Variants in FRMPD4 observed in about 807,000 individuals in gnomAD.
FRMPD4 encodes the protein FERM and PDZ domain-containing protein 4.
A neutral mutation model predicts 94.1 loss-of-function variants in FRMPD4; 22 were observed. That is an observed-to-expected ratio of 0.23 (90% CI 0.17 to 0.33). The LOEUF (loss-of-function observed/expected upper bound fraction) is 0.33, where lower values mean the gene tolerates loss of function less well. Among genes scored for constraint, FRMPD4 ranks in the 10% least tolerant of loss-of-function variants. The pLI is 1.00. For missense variants in FRMPD4, 1,111 were observed against 1,339.9 expected (o/e 0.83, Z 2.67); for synonymous variants, 631 against 548.6 (o/e 1.15, Z -2.10).
At chrX:12,284,080 T>G (rs2054565164) in intron 1 of FRMPD4, among the ~76,000 whole-genome samples, 1 of 112,169 alleles carries the variant, frequency 8.9e-6, no homozygotes, top group Non-Finnish European at 1.9e-5. Flanking sequence ...CTCTCATTTA[T>G]TTTTGTTTCA....
intron 2 of FRMPD4, among the ~76,000 whole-genome samples, chrX:12,523,084 CT>C (rs2058182479): frequency 9.0e-6 from 1 of 111,699 alleles, no homozygotes; most frequent in South Asian, 3.7e-4. Flanking sequence ...TTTTATTTTT[CT>C]TTCATTTTCT....
chrX:12,261,410 A>G (rs2147826464), intron 1 of FRMPD4, among the ~76,000 whole-genome samples: 1 of 112,011 alleles, frequency 8.9e-6, no homozygotes, highest in East Asian at 2.8e-4. Context: ...CTCTAACTTC[A>G]AAAGCTGGTG....
rs748376816 is a variant in FRMPD4, at chrX:12,538,128, C to G, written c.158+39332C>G. 2.6e-4 allele frequency among the ~76,000 whole-genome samples: 29 copies of G among 111,358 alleles called. No homozygotes were observed. In the South Asian group the frequency reaches 2.7e-3, roughly 10 times the overall value. On this transcript the variant is annotated intron_variant, in intron 2 of 16. Coordinates refer to ENST00000675598, the MANE Select transcript of FRMPD4 (RefSeq NM_001368397.1). Reference sequence around the variant, plus strand: ...ACCTGGAAAATCAGGTCACTCCCACCCTAATACTGCGCTTTTCCAACGGTC... The same window carrying G: ...ACCTGGAAAATCAGGTCACTCCCACGCTAATACTGCGCTTTTCCAACGGTC...
intron 16 of FRMPD4, among the ~76,000 whole-genome samples, chrX:12,720,309 G>T (rs1260297594): frequency 9.0e-6 from 1 of 111,666 alleles, no homozygotes; most frequent in Non-Finnish European, 1.9e-5. Flanking sequence ...TGAATCAGCA[G>T]TTCCAGAAAT....
chrX:12,211,338 TCTC>T (rs2056753575), intron 1 of FRMPD4, among the ~76,000 whole-genome samples: 2 of 112,216 alleles, frequency 1.8e-5, no homozygotes, highest in African/African-American at 6.5e-5. Flanking sequence ...TGCCAAATTC[TCTC>T]CTCCTTTTTA....
intron 1 of FRMPD4, among the ~76,000 whole-genome samples, chrX:12,214,922 A>G (rs1277324419): frequency 8.9e-6 from 1 of 112,322 alleles, no homozygotes; most frequent in East Asian, 2.8e-4. Flanking sequence ...ATAAATATAA[A>G]ATATGAAACA....
chrX:12,073,382 C>T (rs2054986000), intron 3 of FRMPD4, among the ~76,000 whole-genome samples: 1 of 112,034 alleles, frequency 8.9e-6, no homozygotes, highest in Admixed American at 9.5e-5. Flanking sequence ...AAACTAGTGG[C>T]CATGGCTGTG....
intron 4 of FRMPD4, among the ~76,000 whole-genome samples, chrX:12,615,747 A>T (rs1475822316): frequency 9.0e-6 from 1 of 111,258 alleles, no homozygotes; most frequent in Admixed American, 9.5e-5. Context: ...CCTAACATTT[A>T]TGCTCACTCA....
chrX:11,972,255 A>G (rs2054343998), intron 3 of FRMPD4, among the ~76,000 whole-genome samples: 1 of 111,952 alleles, frequency 8.9e-6, no homozygotes, highest in Non-Finnish European at 1.9e-5. Context: ...CTCAGAAAGG[A>G]CATCCAATAC....
chrX:12,072,394 A>G (rs1478889280), intron 3 of FRMPD4, among the ~76,000 whole-genome samples: 2 of 111,962 alleles, frequency 1.8e-5, no homozygotes, highest in African/African-American at 6.5e-5. Flanking sequence ...AAAATTCATA[A>G]AGCATTTGTA....
chrX:12,053,380 AAGAAAGAAAGAAAG>A (rs2054832188), intron 3 of FRMPD4, among the ~76,000 whole-genome samples: 1 of 92,303 alleles, frequency 1.1e-5, no homozygotes, highest in African/African-American at 3.8e-5. Flanking sequence ...GAAAGAAAGA[AAGAAAGAAAGAAAG>A]AAAGAAAGAA....
At chrX:12,403,143 C>T (rs2056627207) in intron 1 of FRMPD4, among the ~76,000 whole-genome samples, 1 of 111,235 alleles carries the variant, frequency 9.0e-6, no homozygotes, top group South Asian at 3.8e-4. Context: ...TGTCATGCCA[C>T]TACTTATAAA....
intron 3 of FRMPD4, among the ~76,000 whole-genome samples, chrX:11,917,196 T>C (rs909993766): frequency 8.9e-6 from 1 of 112,164 alleles, no homozygotes; most frequent in Non-Finnish European, 1.9e-5. Context: ...TGAGATAACA[T>C]CTCACATCAG....
intron 4 of FRMPD4, among the ~76,000 whole-genome samples, chrX:12,628,444 G>T (rs1249310369): frequency 8.9e-6 from 1 of 111,805 alleles, no homozygotes; most frequent in Non-Finnish European, 1.9e-5. Flanking sequence ...GTTCACCATT[G>T]TCAACCCTCC....
chrX:12,279,860 A>G (rs937816060), intron 1 of FRMPD4, among the ~76,000 whole-genome samples: 4 of 110,748 alleles, frequency 3.6e-5, no homozygotes, highest in Admixed American at 1.9e-4. Context: ...GAGGAGCACC[A>G]TGGCCATGAA....
intron 1 of FRMPD4, among the ~76,000 whole-genome samples, chrX:12,466,854 A>G (rs2057454828): frequency 8.9e-6 from 1 of 112,212 alleles, no homozygotes; most frequent in Admixed American, 9.4e-5. Flanking sequence ...CTAGGTTGAC[A>G]TATTGAGAAA....
chrX:12,690,175 G>C lies in FRMPD4; in HGVS notation c.682-20G>C, dbSNP rs185549237. Reference sequence around the variant, plus strand: ...GCAGCTTCGATTTTGGTCTCATCATGTTCATGTTTCCTCTGTAAGGATGTC... The same window carrying C: ...GCAGCTTCGATTTTGGTCTCATCATCTTCATGTTTCCTCTGTAAGGATGTC... On this transcript the variant is annotated intron_variant, in intron 7 of 16. Transcript: ENST00000675598. 3 of 1,193,208 alleles carry C rather than the reference G, an allele frequency of 2.5e-6. No individual in the cohort carries two copies. In the African/African-American group the frequency reaches 5.3e-5, roughly 21 times the overall value.
At chrX:12,076,864 C>A (rs1278548691) in intron 3 of FRMPD4, among the ~76,000 whole-genome samples, 1 of 111,726 alleles carries the variant, frequency 9.0e-6, no homozygotes, top group Non-Finnish European at 1.9e-5. Flanking sequence ...TTCTCTCTTT[C>A]CTAAATCTGC....
chrX:12,547,015 A>T (rs1275991885), intron 2 of FRMPD4, among the ~76,000 whole-genome samples: 2 of 14,855 alleles, frequency 1.3e-4, no homozygotes, highest in African/African-American at 2.0e-4. Flanking sequence ...TCTCTTTAAA[A>T]AAAAAAAAAA....
Sources: gnomAD v4.1 joint callset for allele counts (sites outside exome capture counted in the v4.1 genomes callset) on GRCh38, gnomAD v4.1.1 for gene constraint, MANE v1.5 for transcripts, NCBI Gene and HGNC (gene_info 2026-07-23, HGNC 2026-07-21) for gene names.